VPS13A: variants seen among roughly 807,000 people sequenced by gnomAD.
VPS13A encodes the protein intermembrane lipid transfer protein VPS13A.
VPS13A carries 264 observed loss-of-function variants against 390.9 expected under a neutral mutation model. The ratio of observed to expected loss-of-function variants is 0.68; its 90% CI spans 0.61 to 0.75. The LOEUF is 0.75. VPS13A is among the 30% of genes least tolerant of loss of function. The pLI is 0.00. For missense variants in VPS13A, 3,409 were observed against 3,733.9 expected, an observed-to-expected ratio of 0.91 and a Z score of 2.27; for synonymous variants, 1,231 against 1,227.1, an observed-to-expected ratio of 1.00 and a Z score of -0.07.
chr9:77,329,569 C>T (rs957117755), intron 45 of VPS13A, among the ~76,000 whole-genome samples: 34 of 152,224 alleles, frequency 2.2e-4, no homozygotes, highest in Admixed American at 1.7e-3. Flanking sequence ...TGAGAACACA[C>T]ACATTTATTG....
intron 71 of VPS13A, among the ~76,000 whole-genome samples, chr9:77,412,836 A>G (rs996332977): frequency 7.2e-5 from 11 of 152,200 alleles, no homozygotes; most frequent in Non-Finnish European, 1.2e-4. Context: ...ACATGATTGT[A>G]TATCTAGAAA....
At chr9:77,365,650 C>A in intron 60 of VPS13A, 77 bp downstream of exon 60, 1 of 853,804 alleles carries the variant, frequency 1.2e-6, no homozygotes. Flanking sequence ...TTGTGTTCTT[C>A]AGTAATATAT....
intron 42 of VPS13A, among the ~76,000 whole-genome samples, chr9:77,320,438 G>A (rs1829675815): frequency 6.6e-6 from 1 of 152,024 alleles, no homozygotes; most frequent in Non-Finnish European, 1.5e-5. Context: ...GGGGCCTTTA[G>A]GTGGATGAAA....
intron 60 of VPS13A, among the ~76,000 whole-genome samples, chr9:77,366,244 C>A (rs537554097): frequency 4.3e-4 from 65 of 152,100 alleles, no homozygotes; most frequent in African/African-American, 1.3e-3. Context: ...TGGGCAAAAT[C>A]ATCTAACACA....
At chr9:77,305,286 A>G (rs1167423906) in intron 34 of VPS13A, among the ~76,000 whole-genome samples, 2 of 152,284 alleles carry the variant, frequency 1.3e-5, no homozygotes, top group Non-Finnish European at 1.5e-5. Context: ...ATAAAACATG[A>G]TGGCATTATG....
rs1258718503 is a variant in VPS13A, at chr9:77,221,489, T to C, written c.1161+133T>C. ...CATCTCTTTTACTTAGACTTTTTTG[T>C]GCTTCTGTTCTTAACTTCAGCTGAA... is the stretch of plus-strand genomic sequence containing the variant. On this transcript the variant is annotated intron_variant, in intron 13 of 71. Coordinates refer to ENST00000360280, the MANE Select transcript of VPS13A (RefSeq NM_033305.3). The C allele has an allele frequency of 4.0e-6, 4 of 995,012 alleles. No individual in the cohort carries two copies. In the Admixed American group the frequency reaches 1.0e-4, roughly 25 times the overall value. 61.6% of individuals were successfully genotyped at this position (995,012 alleles called of 1,614,324 possible).
In VPS13A at chr9:77,421,496, T is replaced by G. The variant is rs555559012; in HGVS notation, c.*5490T>G. 6.6e-6 allele frequency: 1 copy of G among 152,330 alleles called. No homozygotes were observed. The highest frequency in any genetic ancestry group is 2.4e-5 in the African/African-American group (1 of 41,580). 9.4% of individuals were successfully genotyped at this position (152,330 alleles called of 1,614,324 possible). ...TTGCATGGTAAGATGACTGCCCATT[T>G]TCACCATGTATACCTTTGTCAAATA... On this transcript the variant is annotated 3_prime_UTR_variant, in exon 72 of 72. Transcript: ENST00000360280.
chr9:77,307,857 C>A (rs1366771647), intron 34 of VPS13A, 88 bp from the exon 35 acceptor site: 41 of 1,095,754 alleles, frequency 3.7e-5, no homozygotes, highest in Non-Finnish European at 5.5e-5. Flanking sequence ...AACAGTCTTT[C>A]ATTTTTCTCC....
intron 54 of VPS13A, among the ~76,000 whole-genome samples, chr9:77,355,316 T>TA (rs1316550202): frequency 6.6e-6 from 1 of 152,134 alleles, no homozygotes; most frequent in Admixed American, 6.5e-5. Context: ...TAATAACATT[T>TA]AACACAGATC....
intron 52 of VPS13A, among the ~76,000 whole-genome samples, chr9:77,347,538 G>A (rs1361803965): frequency 2.6e-5 from 4 of 152,004 alleles, no homozygotes; most frequent in Admixed American, 1.3e-4. Context: ...GTGCAGTGGT[G>A]CGATCCAGGC....
chr9:77,229,339 C>T (rs1433480504), intron 17 of VPS13A, among the ~76,000 whole-genome samples: 2 of 152,152 alleles, frequency 1.3e-5, no homozygotes, highest in South Asian at 4.1e-4. Context: ...CCTCAGCCTC[C>T]CGAAGTGCTG....
intron 35 of VPS13A, 100 bp from the exon 36 acceptor site, chr9:77,313,892 T>G (rs1829232966): frequency 7.9e-7 from 1 of 1,271,386 alleles, no homozygotes; most frequent in Non-Finnish European, 1.1e-6. Flanking sequence ...GTCATTTTAC[T>G]ATACCTGTTT....
chr9:77,358,542 T>G, intron 57 of VPS13A, 104 bp downstream of exon 57: 2 of 997,254 alleles, frequency 2.0e-6, no homozygotes, highest in Non-Finnish European at 3.1e-6. Context: ...TTAATTTTTA[T>G]AGGATAATTG....
intron 36 of VPS13A, 27 bp from the exon 37 acceptor site, chr9:77,314,468 A>T (rs775118147): frequency 4.4e-6 from 7 of 1,604,510 alleles, no homozygotes. Context: ...TTTCTTTGTA[A>T]TTTTGTGTTG....
At chr9:77,213,186 T>C (rs760999983) in intron 8 of VPS13A, 48 bp from the exon 9 acceptor site, 1 of 1,585,468 alleles carries the variant, frequency 6.3e-7, no homozygotes, top group African/African-American at 1.3e-5. Context: ...TAGTGTATGA[T>C]AAAAATTCTT....
At chr9:77,367,845 A>T (rs184841331) in intron 61 of VPS13A, among the ~76,000 whole-genome samples, 50 of 152,332 alleles carry the variant, frequency 3.3e-4, no homozygotes, top group African/African-American at 1.2e-3. Context: ...TGAAGATAAG[A>T]TCCATGTCTT....
Position 77,319,665 on chromosome 9 carries a change from G to C in VPS13A, c.5407G>C (p.Gly1803Arg), listed in dbSNP as rs1375453542. 1 of 1,564,448 alleles carries C rather than the reference G, an allele frequency of 6.4e-7. No homozygotes were observed. The highest frequency in any genetic ancestry group is 8.8e-7 in the Non-Finnish European group (1 of 1,136,866). ...TGAGGATTTTAGACCATGGAATCTT[G>C]GTATCAAGGTATATCTATATATGTC... ...QTEDFRPWNL[G>R]IKMKKKAKMA... The change falls in exon 42 of 72, where the codon GGT (glycine) becomes CGT (arginine). Residue 1803 changes from glycine (G) to arginine (R), a missense_variant. Gly to Arg is a moderately radical substitution (Grantham distance 125). Transcript: ENST00000360280.
rs547710142 is a variant in VPS13A, at chr9:77,321,239, A to G, written c.5486A>G (p.Tyr1829Cys). ...PEEENYKVPEYKTVISFHSKD... is the reference protein window; with the variant it reads ...PEEENYKVPECKTVISFHSKD... ...GAAGAAAACTACAAAGTGCCAGAAT[A>G]TAAAACTGTCATCAGTTTCCATTCA... is the stretch of plus-strand genomic sequence containing the variant. The change falls in exon 43 of 72, where the codon TAT becomes TGT. Residue 1829 changes from tyrosine to cysteine, a missense_variant. Around this residue, in one of 5 missense-constraint regions of VPS13A, gnomAD observed 2,717 missense variants for 2,917.4 expected, o/e 0.93. Coordinates refer to ENST00000360280, the MANE Select transcript of VPS13A (RefSeq NM_033305.3). The G allele has an allele frequency of 1.2e-5, 20 of 1,612,306 alleles. No individual in the cohort carries two copies. Among genetic ancestry groups the G allele is most frequent in the Non-Finnish European group, 7.6e-6 (9 of 1,179,028 alleles).
At position 77,357,952 on chromosome 9, in the gene VPS13A, CTTTTTTTTTT is replaced by C. The variant is rs5898534; in HGVS notation, c.7953+126_7953+135del. On this transcript the variant is annotated intron_variant, in intron 56 of 71. Transcript: ENST00000360280. ...TATTCAGTTTCAATGTTGTGCTAGC[CTTTTTTTTTT>C]TTTTTTTTTTTGAGACAGAGTCTCC... is the stretch of plus-strand genomic sequence containing the variant. The C allele has an allele frequency of 1.4e-5, 5 of 346,192 alleles. No individual in the cohort carries two copies. The African/African-American group carries it at 1.5e-4, about 10-fold the overall frequency. 21.4% of individuals were successfully genotyped at this position (346,192 alleles called of 1,614,324 possible). A position where few individuals can be genotyped will look rare whatever the true frequency, so the allele number is the denominator to read the frequency against.
Sources: gnomAD v4.1 joint callset for allele counts (sites outside exome capture counted in the v4.1 genomes callset) on GRCh38, gnomAD v4.1.1 for gene constraint, gnomAD v4.1.1 regional missense constraint, MANE v1.5 for transcripts, NCBI Gene and HGNC (gene_info 2026-07-23, HGNC 2026-07-21) for gene names.